MAP3K7CL: variants seen among roughly 807,000 people sequenced by gnomAD.
The protein encoded by MAP3K7CL is MAP3K7 C-terminal like, also known as MAP3K7 C-terminal-like protein.
A neutral mutation model predicts 18.6 loss-of-function variants in MAP3K7CL; 16 were observed. The observed-to-expected ratio is 0.86, with a 90% confidence interval of 0.58 to 1.31. MAP3K7CL has a LOEUF of 1.31. Ranked by LOEUF, MAP3K7CL falls within the 50% of genes most tolerant of loss-of-function variation. MAP3K7CL has a pLI of 0.00. For missense variants in MAP3K7CL, 163 were observed against 174.4 expected (o/e 0.93, Z 0.37); for synonymous variants, 65 against 66.8 (o/e 0.97, Z 0.13).
chr21:29,088,028 C>G (rs2146490367), intron 1 of MAP3K7CL, among the ~76,000 whole-genome samples: 1 of 152,304 alleles, frequency 6.6e-6, no homozygotes, highest in Middle Eastern at 3.4e-3. Context: ...TTTTAATCTA[C>G]TCACTAAGTG....
At chr21:29,133,734 A>T (rs2146630043) in intron 2 of MAP3K7CL, among the ~76,000 whole-genome samples, 1 of 152,324 alleles carries the variant, frequency 6.6e-6, no homozygotes, top group African/African-American at 2.4e-5. Context: ...TTAAAACTGC[A>T]TGAGGAAACT....
At chr21:29,160,602 A>T (rs1011622802) in intron 4 of MAP3K7CL, among the ~76,000 whole-genome samples, 1 of 152,192 alleles carries the variant, frequency 6.6e-6, no homozygotes, top group African/African-American at 2.4e-5. Context: ...TTGTTTCTGG[A>T]TCCTTCTTTT....
intron 4 of MAP3K7CL, among the ~76,000 whole-genome samples, chr21:29,164,643 C>A (rs1015311051): frequency 3.9e-5 from 6 of 152,124 alleles, no homozygotes; most frequent in Non-Finnish European, 7.4e-5. Context: ...GAAAGAGAGT[C>A]AAACATTTTC....
chr21:29,141,070 C>T (rs1016759768), intron 2 of MAP3K7CL, among the ~76,000 whole-genome samples: 1 of 152,188 alleles, frequency 6.6e-6, no homozygotes, highest in Non-Finnish European at 1.5e-5. Context: ...AGCCACTGCC[C>T]CAGCCCCAAT....
chr21:29,094,753 G>A (rs2086091467), intron 4 of MAP3K7CL, among the ~76,000 whole-genome samples: 1 of 152,040 alleles, frequency 6.6e-6, no homozygotes. Flanking sequence ...TTTCCTCTAG[G>A]GAGTTGCAGT....
At chr21:29,122,418 T>G (rs1434846265) in intron 4 of MAP3K7CL, among the ~76,000 whole-genome samples, 2 of 152,210 alleles carry the variant, frequency 1.3e-5, no homozygotes, top group Non-Finnish European at 2.9e-5. Flanking sequence ...TATCCTGAGC[T>G]CTCATTCAGT....
chr21:29,113,677 C>T (rs887927884), intron 4 of MAP3K7CL, among the ~76,000 whole-genome samples: 1 of 152,226 alleles, frequency 6.6e-6, no homozygotes, highest in Middle Eastern at 3.2e-3. Flanking sequence ...AGGTGTGCCA[C>T]CATGCCCAGC....
upstream of MAP3K7CL, among the ~76,000 whole-genome samples, chr21:29,081,771 T>C (rs9978171): frequency 0.89 from 135,541 of 152,310 alleles, 60,599 homozygotes; most frequent in African/African-American, 0.95. Context: ...GACCATTGTT[T>C]TATGCAAGAA....
rs978294733 is a variant in MAP3K7CL, at chr21:29,100,244, T to C, written c.370+7663T>C. 3.9e-5 allele frequency among the ~76,000 whole-genome samples: 6 copies of C among 152,356 alleles called. 1 individual carries two copies. The South Asian group carries it at 1.2e-3, about 32-fold the overall frequency. On this transcript the variant is annotated intron_variant, in intron 4 of 6. Transcript: ENST00000286791. ...GCATGGCTGCCTTTCTTCATCTCAATTGAGTAATCTTCAAACCCTTGTTTC... is the reference window on the plus strand; with the variant it reads ...GCATGGCTGCCTTTCTTCATCTCAACTGAGTAATCTTCAAACCCTTGTTTC...
upstream of MAP3K7CL, among the ~76,000 whole-genome samples, chr21:29,085,474 G>A (rs1233425028): frequency 6.6e-6 from 1 of 151,376 alleles, no homozygotes; most frequent in Non-Finnish European, 1.5e-5. Flanking sequence ...GTGAACCCGG[G>A]AGGCGGAGCT....
At chr21:29,129,608 G>A (rs545168696), upstream of MAP3K7CL, among the ~76,000 whole-genome samples, 1 of 152,206 alleles carries the variant, frequency 6.6e-6, no homozygotes, top group South Asian at 2.1e-4. Context: ...CCAAATTTTG[G>A]CAATTATGCA....
intron 1 of MAP3K7CL, among the ~76,000 whole-genome samples, chr21:29,132,848 C>A (rs2086805704): frequency 6.6e-6 from 1 of 152,184 alleles, no homozygotes; most frequent in South Asian, 2.1e-4. Context: ...GAAACCCATT[C>A]TTTGCCACTC....
chr21:29,154,494 T>C (rs1409053409), intron 3 of MAP3K7CL, among the ~76,000 whole-genome samples: 1 of 151,908 alleles, frequency 6.6e-6, no homozygotes, highest in East Asian at 1.9e-4. Context: ...TGGTACACAC[T>C]GAACTAACAG....
intron 3 of MAP3K7CL, among the ~76,000 whole-genome samples, chr21:29,150,784 T>TG (rs1421277680): frequency 1.3e-5 from 2 of 150,824 alleles, no homozygotes. Flanking sequence ...TTTTTTTTTT[T>TG]TTTGAGACAG....
At position 29,092,389 on chromosome 21, in the gene MAP3K7CL, G is replaced by A. The variant is rs752102035; in HGVS notation, c.228-50G>A. 1.3e-4 allele frequency: 214 copies of A among 1,607,362 alleles called. 1 individual carries two copies. Among genetic ancestry groups the A allele is most frequent in the Non-Finnish European group, 3.7e-5 (43 of 1,174,232 alleles). On this transcript the variant is annotated intron_variant, in intron 3 of 6. Transcript: ENST00000286791. The stretch of plus-strand genomic sequence containing the variant: ...AGAACTGACATCAAAAGGTCTGTGC[G>A]GGGTCATTTGTCTCATCATGACTTT...
intron 1 of MAP3K7CL, chr21:29,085,987 G>C: frequency 6.5e-7 from 1 of 1,549,924 alleles, no homozygotes; most frequent in Non-Finnish European, 8.9e-7. Flanking sequence ...GTGAAAACAG[G>C]GTGGGAAAAA....
intron 4 of MAP3K7CL, among the ~76,000 whole-genome samples, chr21:29,115,274 C>T (rs546329006): frequency 2.6e-5 from 4 of 152,304 alleles, no homozygotes; most frequent in South Asian, 2.1e-4. Context: ...GCCCCTGCTA[C>T]GACCATTTAA....
intron 2 of MAP3K7CL, among the ~76,000 whole-genome samples, chr21:29,138,948 G>A (rs1447419123): frequency 4.6e-5 from 7 of 152,156 alleles, no homozygotes; most frequent in Admixed American, 4.6e-4. Flanking sequence ...CTGGGTGACA[G>A]AGCAAAACCC....
intron 4 of MAP3K7CL, among the ~76,000 whole-genome samples, chr21:29,112,167 G>A (rs6516893): frequency 0.018 from 2,770 of 152,138 alleles, 88 homozygotes; most frequent in African/African-American, 0.063. Flanking sequence ...GTGTGGTGGC[G>A]TGCACCTGTA....
Sources: gnomAD v4.1 joint callset for allele counts (sites outside exome capture counted in the v4.1 genomes callset) on GRCh38, gnomAD v4.1.1 for gene constraint, MANE v1.5 for transcripts, NCBI Gene and HGNC (gene_info 2026-07-23, HGNC 2026-07-21) for gene names.